Variants in CROCC2 observed in about 807,000 individuals in gnomAD.
CROCC2 encodes the protein ciliary rootlet coiled-coil, rootletin family member 2.
A neutral mutation model predicts 177.6 loss-of-function variants in CROCC2; 163 were observed. That is an observed-to-expected ratio of 0.92 (90% CI 0.81 to 1.05). CROCC2 has a LOEUF of 1.05. Ranked by LOEUF, CROCC2 falls within the 50% of genes least tolerant of loss-of-function variation. The probability of loss-of-function intolerance (pLI) is 0.00; values close to 1 mark genes in which losing one functional copy is unlikely to be tolerated. For synonymous variants in CROCC2, 904 were observed against 787.3 expected, an observed-to-expected ratio of 1.15 and a Z score of -2.48; for missense variants, 1,929 against 1,797.8, an observed-to-expected ratio of 1.07 and a Z score of -1.32.
chr2:240,919,751 C>T (rs868042792), intron 2 of CROCC2, among the ~76,000 whole-genome samples: 1 of 151,890 alleles, frequency 6.6e-6, no homozygotes, highest in African/African-American at 2.4e-5. Flanking sequence ...CATTGGGGTT[C>T]GAGGTGGTAG....
Position 240,966,369 on chromosome 2 carries a change from G to C in CROCC2, c.4106G>C (p.Arg1369Pro). 3 of 402,346 alleles carry C rather than the reference G, an allele frequency of 7.5e-6. No individual in the cohort carries two copies. Among genetic ancestry groups the C allele is most frequent in the Non-Finnish European group, 1.3e-5 (3 of 227,372 alleles). 24.9% of individuals were successfully genotyped at this position (402,346 alleles called of 1,614,324 possible). Residue 1369 changes from arginine to proline, a missense_variant, in exon 25 of 32, where the codon CGG (arginine) becomes CCG (proline). This residue lies in a region of CROCC2 where 388 missense variants were observed against 352.7 expected (regional missense o/e 1.10). Coordinates refer to ENST00000690015, the MANE Select transcript of CROCC2 (RefSeq NM_001351305.2). ...MDVATVQDIL[R>P]DFVQKLREAQ... ...GTGGCCACCGTGCAGGACATCCTGC[G>C]GGACTTTGTGCAGAAGCTCCGGGAA...
In CROCC2 at chr2:240,950,487, C is replaced by T; in HGVS notation, c.2806C>T (p.Gln936Ter). 1 of 1,549,858 alleles carries T rather than the reference C, an allele frequency of 6.5e-7. No individual in the cohort carries two copies. The highest frequency in any genetic ancestry group is 8.7e-7 in the Non-Finnish European group (1 of 1,146,582). ...LKQERDESLL[Q>*]LEHKMQQALS... ...GCAGGAGCGGGACGAGAGCCTTCTC[C>T]AACTGGAGCACAAGATGCAACAGGT... Residue 936 changes from glutamine to a stop codon, truncating the protein, a stop_gained, in exon 18 of 32, where the codon CAA (glutamine) becomes TAA (stop). Coordinates refer to ENST00000690015, the MANE Select transcript of CROCC2 (RefSeq NM_001351305.2). LOFTEE classifies it high-confidence loss of function.
chr2:240,927,059 T>C (rs1559592937), intron 5 of CROCC2, among the ~76,000 whole-genome samples: 1 of 152,238 alleles, frequency 6.6e-6, no homozygotes, highest in Non-Finnish European at 1.5e-5. Flanking sequence ...CCCTTTGTCC[T>C]TGAGAACTGT....
intron 20 of CROCC2, among the ~76,000 whole-genome samples, chr2:240,962,800 C>T (rs1375362908): frequency 6.6e-6 from 1 of 152,156 alleles, no homozygotes; most frequent in African/African-American, 2.4e-5. Context: ...GCGCCAGGGC[C>T]GAGCCCCAGC....
At chr2:240,954,276 A>T (rs2059575731) in intron 18 of CROCC2, among the ~76,000 whole-genome samples, 1 of 152,144 alleles carries the variant, frequency 6.6e-6, no homozygotes, top group Non-Finnish European at 1.5e-5. Context: ...CACAGACCCC[A>T]CAGGGCATGG....
At chr2:240,945,312 A>T (rs1043318218) in intron 14 of CROCC2, among the ~76,000 whole-genome samples, 4 of 152,186 alleles carry the variant, frequency 2.6e-5, no homozygotes, top group Non-Finnish European at 5.9e-5. Flanking sequence ...GATGATTCGC[A>T]CGTGAGCTTC....
intron 1 of CROCC2, among the ~76,000 whole-genome samples, chr2:240,915,258 C>T (rs935568336): frequency 2.0e-5 from 3 of 152,222 alleles, no homozygotes; most frequent in Non-Finnish European, 4.4e-5. Context: ...CTGAAACCCC[C>T]GGTCCCCAGC....
rs910458552 is a variant in CROCC2 at position 240,935,434 on chromosome 2, T to C, written c.2015T>C (p.Leu672Pro). 9.7e-5 allele frequency: 133 copies of C among 1,370,770 alleles called. No homozygotes were observed. Among genetic ancestry groups the C allele is most frequent in the Non-Finnish European group, 1.2e-4 (128 of 1,056,648 alleles). The allele number at this position is 1,370,770 out of a possible 1,614,324, so 84.9% of individuals were successfully genotyped here. A position where few individuals can be genotyped will look rare whatever the true frequency, so the allele number is the denominator to read the frequency against. ...GAACGGGCCCGGGCCGGGGAGCAGC[T>C]GGCACAGGCGGAGCAGCAGCTGGCG... ...EQERARAGEQ[L>P]AQAEQQLALE... The change falls in exon 14 of 32, where the codon CTG becomes CCG. Residue 672 changes from leucine (L) to proline (P), a missense_variant. Leu to Pro is a moderately conservative substitution (Grantham distance 98). Around this residue, in one of 3 missense-constraint regions of CROCC2, gnomAD observed 1,397 missense variants for 1,239.9 expected, o/e 1.13. Coordinates refer to ENST00000690015, the MANE Select transcript of CROCC2 (RefSeq NM_001351305.2).
intron 1 of CROCC2, 104 bp downstream of exon 1, chr2:240,906,695 G>T: frequency 2.5e-6 from 1 of 398,348 alleles, no homozygotes; most frequent in Non-Finnish European, 4.4e-6. Flanking sequence ...GCACCTTCCT[G>T]GCTCCCGGGG....
At chr2:240,937,181 G>T (rs758482009) in intron 14 of CROCC2, among the ~76,000 whole-genome samples, 5 of 152,008 alleles carry the variant, frequency 3.3e-5, no homozygotes, top group African/African-American at 4.8e-5. Context: ...GGTATTGTCT[G>T]TTTTTTTGGG....
intron 4 of CROCC2, among the ~76,000 whole-genome samples, 188 bp downstream of exon 4, chr2:240,922,833 C>T (rs752755773): frequency 4.6e-5 from 7 of 152,132 alleles, no homozygotes; most frequent in African/African-American, 1.4e-4. Flanking sequence ...GGAGAAGGCA[C>T]GGCTGGGAAG....
chr2:240,952,812 T>C (rs535258876), intron 18 of CROCC2, among the ~76,000 whole-genome samples: 10 of 152,180 alleles, frequency 6.6e-5, no homozygotes, highest in African/African-American at 2.4e-4. Context: ...GAAACGAGTC[T>C]GGGGCCAGGA....
At chr2:240,975,062 T>C (rs906661272) in intron 27 of CROCC2, among the ~76,000 whole-genome samples, 1 of 152,236 alleles carries the variant, frequency 6.6e-6, no homozygotes, top group African/African-American at 2.4e-5. Context: ...TTTGGTTTGG[T>C]TTTGTCTATT....
chr2:240,946,160 A>G lies in CROCC2; in HGVS notation c.2270A>G (p.Asp757Gly), dbSNP rs1260329071. The change falls in exon 15 of 32, where the codon GAT becomes GGT. Residue 757 changes from aspartate to glycine, a missense_variant. This residue lies in a region of CROCC2 where 1,397 missense variants were observed against 1,239.9 expected (regional missense o/e 1.13). Transcript: ENST00000690015. Reference protein sequence around the residue: ...GTLQQALQGKDALSEERAQLL... With the variant: ...GTLQQALQGKGALSEERAQLL... Reference sequence around the variant, plus strand: ...CTGCAGCAAGCCCTGCAAGGAAAGGATGCTCTGTCTGAGGAGCGGGCCCAG... The same window carrying G: ...CTGCAGCAAGCCCTGCAAGGAAAGGGTGCTCTGTCTGAGGAGCGGGCCCAG... 4 of 1,548,740 alleles carry G rather than the reference A, an allele frequency of 2.6e-6. No individual in the cohort carries two copies. The highest frequency in any genetic ancestry group is 2.6e-6 in the Non-Finnish European group (3 of 1,145,448).
chr2:240,988,867 GC>G lies in CROCC2; in HGVS notation c.4681del (p.Gln1561ArgfsTer4). On this transcript the variant is annotated frameshift_variant and splice_region_variant, in exon 29 of 32. Coordinates refer to ENST00000690015, the MANE Select transcript of CROCC2 (RefSeq NM_001351305.2). LOFTEE classifies it high-confidence loss of function. The stretch of plus-strand genomic sequence containing the variant: ...GAGCCCTGAGGCAAAATCAGCAGCT[GC>G]AGGTCAACTGGGCCAGTGGAGCTCT... ...DGALRQNQQL[Q>X]AQMTEMEQAH... is the part of the protein sequence containing the mutation. The G allele has an allele frequency of 1.4e-6, 2 of 1,478,134 alleles. No homozygotes were observed. Among genetic ancestry groups the G allele is most frequent in the Non-Finnish European group, 1.8e-6 (2 of 1,105,874 alleles). The allele number at this position is 1,478,134 out of a possible 1,614,324, so 91.6% of individuals were successfully genotyped here. A position where few individuals can be genotyped will look rare whatever the true frequency, so the allele number is the denominator to read the frequency against.
At chr2:240,970,151 T>C (rs1285321458) in intron 27 of CROCC2, among the ~76,000 whole-genome samples, 2 of 152,276 alleles carry the variant, frequency 1.3e-5, no homozygotes, top group African/African-American at 4.8e-5. Context: ...TACAATTCTT[T>C]TTGTCAATGT....
chr2:240,980,381 T>G (rs1462610662), intron 27 of CROCC2, among the ~76,000 whole-genome samples: 18 of 53,682 alleles, frequency 3.4e-4, no homozygotes, highest in African/African-American at 4.8e-4. Context: ...CCCTGCTCAG[T>G]CTCTGGGGTA....
Position 240,965,971 on chromosome 2 carries a change from G to T in CROCC2, c.3939G>T (p.Glu1313Asp). The T allele has an allele frequency of 7.2e-7, 1 of 1,380,806 alleles. No individual in the cohort carries two copies. Among genetic ancestry groups the T allele is most frequent in the South Asian group, 1.8e-5 (1 of 54,310 alleles). The allele number at this position is 1,380,806 out of a possible 1,614,324, so 85.5% of individuals were successfully genotyped here. A position where few individuals can be genotyped will look rare whatever the true frequency, so the allele number is the denominator to read the frequency against. The change falls in exon 24 of 32, where the codon GAG (glutamate) becomes GAT (aspartate). Residue 1313 changes from glutamate (E) to aspartate (D), a missense_variant. By Grantham distance (45) the Glu-to-Asp change is conservative. This residue lies in a region of CROCC2 where 144 missense variants were observed against 205.2 expected (regional missense o/e 0.70). Coordinates refer to ENST00000690015, the MANE Select transcript of CROCC2 (RefSeq NM_001351305.2). The stretch of plus-strand genomic sequence containing the variant: ...GACAGAGCCCGTGGGCCTCCCCGGA[G>T]CAGCCTGGTTCCCCCACCAAAGGTC... ...LQRQSPWASP[E>D]QPGSPTKGSD... is the part of the protein sequence containing the mutation.
At chr2:240,929,094 G>A (rs74000143) in intron 5 of CROCC2, among the ~76,000 whole-genome samples, 2,184 of 152,180 alleles carry the variant, frequency 0.014, 48 homozygotes, top group African/African-American at 0.05. Context: ...TGTGTTCTCC[G>A]GAGGGTGTAT....
Sources: gnomAD v4.1 joint callset for allele counts (sites outside exome capture counted in the v4.1 genomes callset) on GRCh38, gnomAD v4.1.1 for gene constraint, gnomAD v4.1.1 regional missense constraint, MANE v1.5 for transcripts, NCBI Gene and HGNC (gene_info 2026-07-23, HGNC 2026-07-21) for gene names.